COL13A1: variants seen among roughly 807,000 people sequenced by gnomAD.
COL13A1 encodes the protein collagen type XIII alpha 1 chain.
A neutral mutation model predicts 130.9 loss-of-function variants in COL13A1; 89 were observed. The observed-to-expected ratio is 0.68, with a 90% CI of 0.57 to 0.81. The LOEUF (loss-of-function observed/expected upper bound fraction) is 0.81. Among genes scored for constraint, COL13A1 ranks in the 30% least tolerant of loss-of-function variants. The probability of loss-of-function intolerance (pLI) is 0.00; values close to 1 mark genes in which losing one functional copy is unlikely to be tolerated. For missense variants in COL13A1, 879 were observed against 934.6 expected (o/e 0.94, Z 0.78); for synonymous variants, 402 against 341.6 (o/e 1.18, Z -1.95).
At chr10:69,906,813 C>A (rs1028979753) in intron 17 of COL13A1, among the ~76,000 whole-genome samples, 1 of 151,962 alleles carries the variant, frequency 6.6e-6, no homozygotes, top group Non-Finnish European at 1.5e-5. Flanking sequence ...TCACTGCAAC[C>A]CCCGCCTCCC....
At chr10:69,916,670 A>G (rs1439499655) in intron 17 of COL13A1, among the ~76,000 whole-genome samples, 2 of 152,198 alleles carry the variant, frequency 1.3e-5, no homozygotes, top group Non-Finnish European at 2.9e-5. Flanking sequence ...CAGAGGAGCA[A>G]CAATGGACAG....
intron 2 of COL13A1, among the ~76,000 whole-genome samples, chr10:69,846,833 C>T (rs943160527): frequency 6.6e-6 from 1 of 152,186 alleles, no homozygotes; most frequent in Admixed American, 6.5e-5. Flanking sequence ...GCTGGTGAGC[C>T]GGGGTGTGCA....
intron 17 of COL13A1, among the ~76,000 whole-genome samples, chr10:69,913,516 G>A (rs889353269): frequency 6.6e-6 from 1 of 152,158 alleles, no homozygotes; most frequent in African/African-American, 2.4e-5. Context: ...CCTTAGACAG[G>A]CTCACACAAA....
chr10:69,948,210 A>C (rs1334271294), intron 38 of COL13A1, among the ~76,000 whole-genome samples: 1 of 152,208 alleles, frequency 6.6e-6, no homozygotes, highest in African/African-American at 2.4e-5. Context: ...CTGGGATCCC[A>C]TGGAGAGTTA....
At chr10:69,932,034 C>G (rs1215128081) in intron 30 of COL13A1, among the ~76,000 whole-genome samples, 1 of 152,070 alleles carries the variant, frequency 6.6e-6, no homozygotes, top group Non-Finnish European at 1.5e-5. Context: ...TTCCTGCCAC[C>G]TGCGCCCCTG....
chr10:69,936,003 C>A (rs1291895658), intron 32 of COL13A1, among the ~76,000 whole-genome samples: 1 of 89,726 alleles, frequency 1.1e-5, no homozygotes, highest in African/African-American at 4.2e-5. Flanking sequence ...CAGAGTGAGA[C>A]CCTGTCTCAA....
intron 2 of COL13A1, among the ~76,000 whole-genome samples, chr10:69,846,741 C>T (rs1227750): frequency 1 from 152,353 of 152,354 alleles, 76,176 homozygotes; most frequent in Non-Finnish European, 1. Flanking sequence ...CTTTTTTGAT[C>T]CTCAGAGGGG....
At chr10:69,874,767 A>G (rs1161590294) in intron 4 of COL13A1, among the ~76,000 whole-genome samples, 2 of 152,200 alleles carry the variant, frequency 1.3e-5, no homozygotes, top group Non-Finnish European at 2.9e-5. Flanking sequence ...TTTGATAAAG[A>G]TGAGGCACAT....
intron 18 of COL13A1, 23 bp from the exon 19 acceptor site, chr10:69,918,262 C>CT (rs751866694): frequency 2.0e-4 from 317 of 1,584,476 alleles, no homozygotes; most frequent in East Asian, 2.8e-4. Context: ...GTCTTCAGAC[C>CT]TTTTTTTTTC....
At chr10:69,939,622 C>A (rs2067365955) in intron 34 of COL13A1, among the ~76,000 whole-genome samples, 1 of 152,222 alleles carries the variant, frequency 6.6e-6, no homozygotes, top group African/African-American at 2.4e-5. Context: ...ATTTGCCCTG[C>A]AGAAGCAATT....
Position 69,928,919 on chromosome 10 carries a change from C to G in COL13A1, c.1423-18C>G, listed in dbSNP as rs966984673. On this transcript the variant is annotated intron_variant, in intron 27 of 40. Coordinates refer to ENST00000645393, the MANE Select transcript of COL13A1 (RefSeq NM_001368882.1). ...TCCATGGGACAGTTCTTCCATGTGTCTTTCCTTTCTCTCCTAGGGGCCTCC... is the reference window on the plus strand; with the variant it reads ...TCCATGGGACAGTTCTTCCATGTGTGTTTCCTTTCTCTCCTAGGGGCCTCC... 6.2e-7 allele frequency: 1 copy of G among 1,607,868 alleles called. No individual in the cohort carries two copies. The highest frequency in any genetic ancestry group is 1.3e-5 in the African/African-American group (1 of 74,922).
At chr10:69,946,722 G>A (rs181988278) in intron 37 of COL13A1, among the ~76,000 whole-genome samples, 75 of 152,306 alleles carry the variant, frequency 4.9e-4, no homozygotes, top group Non-Finnish European at 8.8e-4. Flanking sequence ...TAGTGACCTC[G>A]GGAAAACCCA....
chr10:69,819,746 G>A (rs997358841), intron 1 of COL13A1, among the ~76,000 whole-genome samples: 5 of 152,326 alleles, frequency 3.3e-5, no homozygotes, highest in South Asian at 2.1e-4. Context: ...CCCATGAGCT[G>A]TGGTGCTTTA....
intron 39 of COL13A1, chr10:69,954,928 T>G (rs1017087042): frequency 6.6e-6 from 1 of 152,266 alleles, no homozygotes; most frequent in Admixed American, 6.5e-5. Flanking sequence ...AGTCCCTCTC[T>G]AGGCATGGAC....
chr10:69,854,602 C>T (rs1348867577), intron 2 of COL13A1, among the ~76,000 whole-genome samples: 1 of 151,620 alleles, frequency 6.6e-6, no homozygotes, highest in Non-Finnish European at 1.5e-5. Context: ...TGCTTGTCAC[C>T]AGACTCTGGT....
chr10:69,933,655 C>G (rs1450105423), intron 31 of COL13A1, among the ~76,000 whole-genome samples: 1 of 152,112 alleles, frequency 6.6e-6, no homozygotes, highest in Non-Finnish European at 1.5e-5. Context: ...GTGTATGGTA[C>G]TTGTTTCGAA....
At chr10:69,948,126 G>T (rs146310919) in intron 38 of COL13A1, among the ~76,000 whole-genome samples, 5 of 152,196 alleles carry the variant, frequency 3.3e-5, no homozygotes, top group African/African-American at 1.2e-4. Context: ...GTCTCCTAGC[G>T]GGTCCTAAAA....
At chr10:69,813,582 G>A (rs989723506) in intron 1 of COL13A1, among the ~76,000 whole-genome samples, 5 of 152,094 alleles carry the variant, frequency 3.3e-5, no homozygotes, top group Admixed American at 1.3e-4. Context: ...TCCACTGCAC[G>A]AAGAGAACTG....
At chr10:69,853,010 G>A (rs1334242786) in intron 2 of COL13A1, among the ~76,000 whole-genome samples, 2 of 148,752 alleles carry the variant, frequency 1.3e-5, no homozygotes, top group Non-Finnish European at 3.0e-5. Flanking sequence ...CAGCTGGGGC[G>A]GGGGAGCGGG....
Sources: allele counts gnomAD v4.1 joint callset (sites outside exome capture counted in the v4.1 genomes callset), GRCh38; gene constraint gnomAD v4.1.1; transcripts MANE v1.5; gene names NCBI Gene and HGNC (gene_info 2026-07-23, HGNC 2026-07-21).